The following PPP1R12B variants were observed in gnomAD, a reference collection of about 807,000 sequenced individuals.
The protein encoded by PPP1R12B is protein phosphatase 1 regulatory subunit 12B, also known as myosin phosphatase target subunit 2.
Under a neutral mutation model 126.1 loss-of-function variants are expected in PPP1R12B, and 76 were observed. The observed-to-expected ratio is 0.60, with a 90% CI of 0.50 to 0.73. PPP1R12B has a LOEUF of 0.73. PPP1R12B is among the 30% of genes least tolerant of loss of function. The pLI is 0.00. For missense variants in PPP1R12B, 1,052 were observed against 1,205.1 expected (o/e 0.87, Z 1.88); for synonymous variants, 356 against 434.7 (o/e 0.82, Z 2.25).
At chr1:202,505,162 A>G (rs1179747297) in intron 18 of PPP1R12B, among the ~76,000 whole-genome samples, 1 of 152,222 alleles carries the variant, frequency 6.6e-6, no homozygotes, top group Admixed American at 6.5e-5. Flanking sequence ...GTAGGGGGAA[A>G]GAAATGAGTA....
chr1:202,374,831 A>G (rs997033549), intron 1 of PPP1R12B, among the ~76,000 whole-genome samples: 20 of 152,080 alleles, frequency 1.3e-4, no homozygotes, highest in African/African-American at 4.3e-4. Flanking sequence ...GGCGTGAGCC[A>G]CCGTGCCCTG....
rs572852964 is a variant in PPP1R12B, at chr1:202,371,490, G to A, written c.291+22348G>A. ...TTTATTCATTATTTGGAGTGTGTGT[G>A]TGTGTGTGTGTCTGATTTCAGTCTT... On this transcript the variant is annotated intron_variant, in intron 1 of 23. Coordinates refer to ENST00000608999, the MANE Select transcript of PPP1R12B (RefSeq NM_002481.4). Among the ~76,000 whole-genome samples the A allele has an allele frequency of 2.5e-3, 386 of 152,180 alleles. 2 individuals carry two copies. The highest frequency in any genetic ancestry group is 4.2e-3 in the Non-Finnish European group (288 of 68,006).
intron 12 of PPP1R12B, among the ~76,000 whole-genome samples, chr1:202,446,256 A>ATATATATATATATT (rs376183502): frequency 9.2e-5 from 5 of 54,334 alleles, no homozygotes; most frequent in Admixed American, 7.7e-4. Context: ...ATATATATAT[A>ATATATATATATATT]TTTTTTTTTT....
chr1:202,365,219 G>T (rs1203244461), intron 1 of PPP1R12B, among the ~76,000 whole-genome samples: 1 of 152,054 alleles, frequency 6.6e-6, no homozygotes, highest in Admixed American at 6.6e-5. Context: ...GGATGCCAAG[G>T]CGAGAGGATC....
intron 1 of PPP1R12B, among the ~76,000 whole-genome samples, chr1:202,376,618 C>T (rs1571682556): frequency 6.6e-6 from 1 of 152,098 alleles, no homozygotes. Flanking sequence ...ATAAAGATTG[C>T]ATCCTTTTAT....
At chr1:202,460,455 C>CTT (rs1674170602) in intron 13 of PPP1R12B, among the ~76,000 whole-genome samples, 1 of 152,010 alleles carries the variant, frequency 6.6e-6, no homozygotes, top group African/African-American at 2.4e-5. Flanking sequence ...AATTTAAACT[C>CTT]TGAGTTATGG....
chr1:202,362,672 G>A (rs945152468), intron 1 of PPP1R12B, among the ~76,000 whole-genome samples: 2 of 106,834 alleles, frequency 1.9e-5, no homozygotes, highest in Non-Finnish European at 4.2e-5. Context: ...TTTTTTTTTT[G>A]TAATAAGGAA....
rs553608968 is a variant in PPP1R12B at position 202,582,547 on chromosome 1, C to T, written c.*1987C>T. 5 of 152,716 alleles carry T rather than the reference C, an allele frequency of 3.3e-5. No homozygotes were observed. The South Asian group carries it at 1.0e-3, about 32-fold the overall frequency. The allele number at this position is 152,716 out of a possible 1,614,324, so 9.5% of individuals were successfully genotyped here. A position where few individuals can be genotyped will look rare whatever the true frequency, so the allele number is the denominator to read the frequency against. ...ATGACATGTAGCTCTCCATGGTCCT[C>T]CCTCTGAAACACCACATGCTGTTTA... is the stretch of plus-strand genomic sequence containing the variant. On this transcript the variant is annotated 3_prime_UTR_variant, in exon 24 of 24. Coordinates refer to ENST00000608999, the MANE Select transcript of PPP1R12B (RefSeq NM_002481.4).
At chr1:202,466,392 T>C (rs1481768167) in intron 13 of PPP1R12B, among the ~76,000 whole-genome samples, 7 of 152,168 alleles carry the variant, frequency 4.6e-5, no homozygotes, top group Admixed American at 1.3e-4. Context: ...ATAACCTCTC[T>C]GATATTATTC....
At chr1:202,396,425 G>A (rs1664988670) in intron 1 of PPP1R12B, among the ~76,000 whole-genome samples, 1 of 152,102 alleles carries the variant, frequency 6.6e-6, no homozygotes, top group African/African-American at 2.4e-5. Context: ...CATTCATTAT[G>A]TGGGGCAGTG....
chr1:202,577,929 T>TA, intron 23 of PPP1R12B, among the ~76,000 whole-genome samples: 1 of 152,372 alleles, frequency 6.6e-6, no homozygotes, highest in East Asian at 1.9e-4. Context: ...GTTAAAATGA[T>TA]AAAGCTTTGC....
chr1:202,527,551 T>C (rs1683475964), intron 18 of PPP1R12B: 1 of 152,312 alleles, frequency 6.6e-6, no homozygotes, highest in East Asian at 1.9e-4. Context: ...AGCAACTTTA[T>C]GACAATAAGC....
intron 18 of PPP1R12B, chr1:202,540,074 A>G (rs746767239): frequency 4.0e-6 from 6 of 1,509,162 alleles, no homozygotes; most frequent in Non-Finnish European, 5.3e-6. Context: ...GGTAACCTAC[A>G]GGGAAATTTC....
intron 15 of PPP1R12B, among the ~76,000 whole-genome samples, chr1:202,494,666 A>T (rs528699152): frequency 6.6e-6 from 1 of 151,426 alleles, no homozygotes; most frequent in Non-Finnish European, 1.5e-5. Flanking sequence ...AGATCGCAGC[A>T]CTGCACTCCA....
At chr1:202,369,361 TA>T (rs1233250702) in intron 1 of PPP1R12B, among the ~76,000 whole-genome samples, 2 of 152,212 alleles carry the variant, frequency 1.3e-5, no homozygotes, top group African/African-American at 4.8e-5. Context: ...GAATTACTGT[TA>T]AAATTTTAAA....
At chr1:202,352,470 G>T (rs374157224) in intron 1 of PPP1R12B, among the ~76,000 whole-genome samples, 3 of 152,162 alleles carry the variant, frequency 2.0e-5, no homozygotes, top group African/African-American at 7.2e-5. Flanking sequence ...TCTTAAATCT[G>T]TGCTGAGTGT....
In PPP1R12B at chr1:202,588,862, G is replaced by GATAGATAGAT. The variant is rs1689996845; in HGVS notation, c.*8305_*8314dup. 1 of 143,932 alleles carries GATAGATAGAT rather than the reference G, an allele frequency of 6.9e-6. No homozygotes were observed. Among genetic ancestry groups the GATAGATAGAT allele is most frequent in the Admixed American group, 6.8e-5 (1 of 14,710 alleles). The allele number at this position is 143,932 out of a possible 1,614,324, so 8.9% of individuals were successfully genotyped here. ...AGATAGATAGATAGATAGATAGATA[G>GATAGATAGAT]ATAGATAGATATCAAGGTTCCAAGC... On this transcript the variant is annotated 3_prime_UTR_variant, in exon 24 of 24. Coordinates refer to ENST00000608999, the MANE Select transcript of PPP1R12B (RefSeq NM_002481.4).
chr1:202,458,869 G>A (rs1482904999), intron 13 of PPP1R12B, among the ~76,000 whole-genome samples: 1 of 152,186 alleles, frequency 6.6e-6, no homozygotes. Flanking sequence ...AGTGAGCATT[G>A]GGATAAATGG....
chr1:202,468,349 T>C (rs1675340072), intron 13 of PPP1R12B, among the ~76,000 whole-genome samples: 1 of 152,212 alleles, frequency 6.6e-6, no homozygotes, highest in Non-Finnish European at 1.5e-5. Context: ...AGGGTTTTTA[T>C]GGTTTTAGGT....
Sources: allele counts gnomAD v4.1 joint callset (sites outside exome capture counted in the v4.1 genomes callset), GRCh38; gene constraint gnomAD v4.1.1; transcripts MANE v1.5; gene names NCBI Gene and HGNC (gene_info 2026-07-23, HGNC 2026-07-21).